WDR7: variants seen among roughly 807,000 people sequenced by gnomAD.
WDR7 encodes the protein WD repeat domain 7.
In WDR7, 46 loss-of-function variants were observed where a neutral mutation model predicts 169.4. That is an observed-to-expected ratio of 0.27 (90% CI 0.21 to 0.35). The LOEUF (loss-of-function observed/expected upper bound fraction) is 0.35. Among genes scored for constraint, WDR7 ranks in the 10% least tolerant of loss-of-function variants. The pLI is 1.00. For missense variants in WDR7, 1,534 were observed against 1,859.3 expected (o/e 0.83, Z 3.22); for synonymous variants, 612 against 666.8 (o/e 0.92, Z 1.27).
chr18:57,027,295 C>A lies in WDR7; in HGVS notation c.*88C>A. The A allele has an allele frequency of 6.7e-7, 1 of 1,482,532 alleles. No homozygotes were observed. Among genetic ancestry groups the A allele is most frequent in the Non-Finnish European group, 9.0e-7 (1 of 1,108,026 alleles). The allele number at this position is 1,482,532 out of a possible 1,614,324, so 91.8% of individuals were successfully genotyped here. ...TGTCCTTCCTCACACCAGATTGTTC[C>A]CAGGGGCCTGCCCACCCCAGTGCCA... On this transcript the variant is annotated 3_prime_UTR_variant, in exon 28 of 28. Transcript: ENST00000254442.
intron 19 of WDR7, among the ~76,000 whole-genome samples, chr18:56,786,525 A>G (rs754113505): frequency 2.0e-5 from 3 of 151,500 alleles, no homozygotes; most frequent in Non-Finnish European, 4.4e-5. Flanking sequence ...GCGAGACTCT[A>G]TCTCCAAAAA....
intron 12 of WDR7, among the ~76,000 whole-genome samples, chr18:56,709,343 A>G (rs772704683): frequency 2.0e-5 from 3 of 152,214 alleles, no homozygotes; most frequent in Non-Finnish European, 4.4e-5. Flanking sequence ...TTTCTGGTAG[A>G]TACCTAAACT....
Position 56,757,263 on chromosome 18 carries a change from T to C in WDR7, c.2670T>C (p.His890=), listed in dbSNP as rs1249128876. 1.2e-6 allele frequency: 2 copies of C among 1,614,034 alleles called. No homozygotes were observed. The highest frequency in any genetic ancestry group is 1.7e-6 in the Non-Finnish European group (2 of 1,180,034). Residue 890 remains histidine (H), a synonymous_variant, in exon 15 of 28, where the codon CAT becomes CAC. Transcript: ENST00000254442. ...YGVSRAVTTQ[H]LLSIISLANT... Reference sequence around the variant, plus strand: ...TGTCCCGTGCCGTCACCACACAGCATCTCCTGTCTATCATTTCTTTGGCAA... The same window carrying C: ...TGTCCCGTGCCGTCACCACACAGCACCTCCTGTCTATCATTTCTTTGGCAA...
intron 14 of WDR7, among the ~76,000 whole-genome samples, chr18:56,755,606 G>A (rs1317214478): frequency 2.0e-5 from 3 of 152,184 alleles, no homozygotes; most frequent in African/African-American, 4.8e-5. Flanking sequence ...TGTGAGGTAG[G>A]TACTGTGGGA....
chr18:56,757,482 C>T, intron 15 of WDR7, 130 bp downstream of exon 15: 1 of 946,178 alleles, frequency 1.1e-6, no homozygotes, highest in Non-Finnish European at 1.5e-6. Flanking sequence ...AGTTGTTTCC[C>T]TTTTACATTT....
At chr18:56,989,666 T>C (rs1167960518) in intron 26 of WDR7, among the ~76,000 whole-genome samples, 3 of 152,240 alleles carry the variant, frequency 2.0e-5, no homozygotes, top group African/African-American at 7.2e-5. Flanking sequence ...GGACTTTTGG[T>C]GCTTATTTTT....
At chr18:56,780,888 A>G (rs1270054426) in intron 18 of WDR7, among the ~76,000 whole-genome samples, 1 of 152,214 alleles carries the variant, frequency 6.6e-6, no homozygotes, top group Non-Finnish European at 1.5e-5. Context: ...AATAACACTA[A>G]ATTAAAACTG....
At chr18:56,858,890 G>GGGGC (rs1480596412) in intron 20 of WDR7, among the ~76,000 whole-genome samples, 1 of 152,176 alleles carries the variant, frequency 6.6e-6, no homozygotes, top group African/African-American at 2.4e-5. Context: ...AAGGGGTTGA[G>GGGGC]GGGCAGTAAG....
chr18:56,976,524 A>G (rs1347979562), intron 26 of WDR7, among the ~76,000 whole-genome samples: 1 of 152,226 alleles, frequency 6.6e-6, no homozygotes, highest in African/African-American at 2.4e-5. Context: ...GGTAGGTAGT[A>G]TGGTGAGCAA....
intron 26 of WDR7, among the ~76,000 whole-genome samples, chr18:56,992,072 CAT>C (rs1317832884): frequency 4.6e-5 from 7 of 152,200 alleles, no homozygotes; most frequent in Non-Finnish European, 1.5e-5. Flanking sequence ...ATAAAGTACT[CAT>C]AATGAAAAAG....
chr18:56,928,409 A>T (rs2046836109), intron 22 of WDR7, among the ~76,000 whole-genome samples: 1 of 152,156 alleles, frequency 6.6e-6, no homozygotes, highest in African/African-American at 2.4e-5. Context: ...AGGCTGCACT[A>T]AGTGGTGATT....
In WDR7 at chr18:56,691,373, G is replaced by C. The variant is rs1279589787; in HGVS notation, c.863+12G>C. The C allele has an allele frequency of 1.8e-5, 29 of 1,577,346 alleles. No homozygotes were observed. The highest frequency in any genetic ancestry group is 2.5e-5 in the Non-Finnish European group (29 of 1,170,418). ...AAACTACCTGCCAGGTATGCAGCAA[G>C]TAATAAATTAGGACAGTCATCAAAA... On this transcript the variant is annotated intron_variant, in intron 8 of 27. Transcript: ENST00000254442.
At chr18:56,660,824 T>C (rs1004131067) in intron 1 of WDR7, among the ~76,000 whole-genome samples, 2 of 152,178 alleles carry the variant, frequency 1.3e-5, no homozygotes, top group Non-Finnish European at 2.9e-5. Context: ...AGATAAGGGT[T>C]AGAACTTGAT....
chr18:57,024,726 A>G (rs552246143), intron 27 of WDR7, among the ~76,000 whole-genome samples: 9 of 144,480 alleles, frequency 6.2e-5, no homozygotes, highest in African/African-American at 2.2e-4. Flanking sequence ...AGGATTTCAC[A>G]TATCCCTATT....
chr18:56,788,218 A>G (rs1050522297), intron 19 of WDR7, among the ~76,000 whole-genome samples: 24 of 152,304 alleles, frequency 1.6e-4, no homozygotes, highest in African/African-American at 9.6e-5. Context: ...GTTTTGGCCT[A>G]TGCTGTGAAA....
intron 26 of WDR7, 121 bp downstream of exon 26, chr18:56,962,650 G>A (rs1056884156): frequency 3.5e-6 from 3 of 854,868 alleles, no homozygotes; most frequent in South Asian, 1.6e-5. Context: ...ATGCTAAAGG[G>A]ATCAATAGTT....
chr18:56,978,405 A>G (rs2047597014), intron 26 of WDR7, among the ~76,000 whole-genome samples: 1 of 152,226 alleles, frequency 6.6e-6, no homozygotes, highest in African/African-American at 2.4e-5. Flanking sequence ...GAGTGCTACT[A>G]TATATCAGAC....
chr18:56,837,237 TATGACTTGTA>T (rs1360847984), intron 20 of WDR7, among the ~76,000 whole-genome samples: 1 of 152,238 alleles, frequency 6.6e-6, no homozygotes, highest in Non-Finnish European at 1.5e-5. Context: ...TTTTTATGGT[TATGACTTGTA>T]AAGAGATCTC....
At chr18:56,900,996 C>T (rs2046393902) in intron 21 of WDR7, among the ~76,000 whole-genome samples, 1 of 152,228 alleles carries the variant, frequency 6.6e-6, no homozygotes, top group Non-Finnish European at 1.5e-5. Context: ...AGATACTATA[C>T]ATTGCTAACT....
Sources: gnomAD v4.1 joint callset for allele counts (sites outside exome capture counted in the v4.1 genomes callset) on GRCh38, gnomAD v4.1.1 for gene constraint, MANE v1.5 for transcripts, NCBI Gene and HGNC (gene_info 2026-07-23, HGNC 2026-07-21) for gene names.